LRP1B: variants seen among roughly 807,000 people sequenced by gnomAD.
The protein encoded by LRP1B is LDL receptor related protein 1B, also known as low-density lipoprotein receptor-related protein 1B.
In LRP1B, 217 loss-of-function variants were observed where a neutral mutation model predicts 556.6. The ratio of observed to expected loss-of-function variants is 0.39; its 90% CI spans 0.35 to 0.44. The LOEUF (loss-of-function observed/expected upper bound fraction) is 0.44, where lower values mean the gene tolerates loss of function less well. Ranked by LOEUF, LRP1B falls within the 20% of genes least tolerant of loss-of-function variation. The pLI is 1.00. For missense variants in LRP1B, 5,053 were observed against 5,620.8 expected, an observed-to-expected ratio of 0.90 and a Z score of 3.23; for synonymous variants, 2,047 against 1,865.8, an observed-to-expected ratio of 1.10 and a Z score of -2.50.
intron 7 of LRP1B, among the ~76,000 whole-genome samples, chr2:141,135,553 A>T (rs1701471339): frequency 6.6e-6 from 1 of 151,984 alleles, no homozygotes; most frequent in African/African-American, 2.4e-5. Flanking sequence ...AACTACAAAT[A>T]AACTGAACTT....
chr2:141,127,594 T>C (rs906499736), intron 7 of LRP1B, among the ~76,000 whole-genome samples: 3 of 152,150 alleles, frequency 2.0e-5, no homozygotes, highest in Admixed American at 2.0e-4. Flanking sequence ...TGCAGGGACA[T>C]GGATTAATTC....
In LRP1B at chr2:141,595,050, C is replaced by T. The variant is rs150517196; in HGVS notation, c.206-114517G>A. On this transcript the variant is annotated intron_variant, in intron 2 of 90. Coordinates refer to ENST00000389484, the MANE Select transcript of LRP1B (RefSeq NM_018557.3). ...TTTAAAAATCCTAATTCATGAAAGA[C>T]GGAATAGTACAAACAGAATATTTAA... Among the ~76,000 whole-genome samples, 399 of 151,938 alleles carry T rather than the reference C, an allele frequency of 2.6e-3. 1 individual carries two copies. The highest frequency in any genetic ancestry group is 9.0e-3 in the African/African-American group (375 of 41,462).
intron 7 of LRP1B, among the ~76,000 whole-genome samples, chr2:141,133,523 T>A (rs2141920): frequency 0.76 from 115,678 of 151,886 alleles, 44,409 homozygotes; most frequent in Middle Eastern, 0.85. Context: ...ACTTCATAAG[T>A]TTATTGTGAA....
At chr2:141,849,636 A>C (rs2105772300) in intron 1 of LRP1B, among the ~76,000 whole-genome samples, 1 of 151,754 alleles carries the variant, frequency 6.6e-6, no homozygotes, top group Admixed American at 6.6e-5. Flanking sequence ...ATAGAAAAAT[A>C]ATGTTGCTGT....
rs555264279 is a variant in LRP1B at position 142,108,420 on chromosome 2, T to C, written c.82+22228A>G. 6.3e-3 allele frequency among the ~76,000 whole-genome samples: 520 copies of C among 83,054 alleles called. 3 individuals carry two copies. The highest frequency in any genetic ancestry group is 0.019 in the African/African-American group (469 of 24,608). The allele number at this position is 83,054 out of a possible 152,430, so 54.5% of individuals were successfully genotyped here. A position where few individuals can be genotyped will look rare whatever the true frequency, so the allele number is the denominator to read the frequency against. On this transcript the variant is annotated intron_variant, in intron 1 of 90. Transcript: ENST00000389484. ...GTGTAATTTGCAAGTAATTAATCAA[T>C]AGATGTTCAATAAAAAAACCACTAA...
chr2:140,713,200 G>T (rs1687094905), intron 37 of LRP1B, among the ~76,000 whole-genome samples: 1 of 151,832 alleles, frequency 6.6e-6, no homozygotes, highest in Admixed American at 6.6e-5. Context: ...TAACTTCCCA[G>T]CCAATTACCA....
intron 24 of LRP1B, among the ~76,000 whole-genome samples, chr2:140,884,871 C>A (rs1216781453): frequency 1.3e-5 from 2 of 152,078 alleles, no homozygotes; most frequent in East Asian, 1.9e-4. Flanking sequence ...CACAACCACA[C>A]CCAGCTAATT....
chr2:141,311,758 A>G (rs144843078), intron 3 of LRP1B, among the ~76,000 whole-genome samples: 45 of 152,310 alleles, frequency 3.0e-4, no homozygotes, highest in Non-Finnish European at 5.4e-4. Context: ...TGCTATGCTC[A>G]TGAACTTCCC....
At chr2:141,856,215 G>A (rs1346307543) in intron 1 of LRP1B, among the ~76,000 whole-genome samples, 3 of 152,072 alleles carry the variant, frequency 2.0e-5, no homozygotes, top group Non-Finnish European at 4.4e-5. Context: ...CAAAAGAAAA[G>A]TATAACCTAT....
chr2:141,485,774 G>C (rs948556656), intron 2 of LRP1B, among the ~76,000 whole-genome samples: 3 of 152,122 alleles, frequency 2.0e-5, no homozygotes, highest in Non-Finnish European at 4.4e-5. Flanking sequence ...GATAATGGGG[G>C]CTTCATGAAT....
chr2:140,489,978 A>G (rs1311506837), intron 57 of LRP1B, among the ~76,000 whole-genome samples: 1 of 152,090 alleles, frequency 6.6e-6, no homozygotes, highest in Non-Finnish European at 1.5e-5. Context: ...TCATTTTTCT[A>G]CAGCTTTACC....
intron 84 of LRP1B, among the ~76,000 whole-genome samples, chr2:140,282,721 C>T (rs1682966698): frequency 6.6e-6 from 1 of 151,814 alleles, no homozygotes; most frequent in Non-Finnish European, 1.5e-5. Flanking sequence ...GGCATTCTCA[C>T]ACCTGAGCTG....
At chr2:141,854,531 G>A (rs1697982105) in intron 1 of LRP1B, among the ~76,000 whole-genome samples, 1 of 152,016 alleles carries the variant, frequency 6.6e-6, no homozygotes, top group Non-Finnish European at 1.5e-5. Context: ...AAGTTTTGAT[G>A]CTTTCCACCT....
At chr2:140,442,969 T>C (rs1197030567) in intron 65 of LRP1B, among the ~76,000 whole-genome samples, 1 of 152,196 alleles carries the variant, frequency 6.6e-6, no homozygotes, top group African/African-American at 2.4e-5. Context: ...TTCATAGGTA[T>C]ACATTTTTGT....
chr2:141,776,452 G>A (rs1558868429), intron 2 of LRP1B, among the ~76,000 whole-genome samples: 1 of 152,168 alleles, frequency 6.6e-6, no homozygotes, highest in Admixed American at 6.5e-5. Context: ...ATATTAATAT[G>A]ATATTGTTTT....
At chr2:141,015,650 A>T (rs2105388630) in intron 13 of LRP1B, 46 bp downstream of exon 13, 1 of 1,432,246 alleles carries the variant, frequency 7.0e-7, no homozygotes, top group Non-Finnish European at 9.7e-7. Flanking sequence ...AGGCTCTGTG[A>T]AAAAAAGAAG....
chr2:141,395,252 C>G (rs991043868), intron 3 of LRP1B, among the ~76,000 whole-genome samples: 1 of 152,086 alleles, frequency 6.6e-6, no homozygotes, highest in African/African-American at 2.4e-5. Context: ...AACTTTCAGT[C>G]CTGCCAGCTC....
chr2:141,125,967 A>C (rs535995518), intron 7 of LRP1B, among the ~76,000 whole-genome samples: 1 of 151,080 alleles, frequency 6.6e-6, no homozygotes, highest in Non-Finnish European at 1.5e-5. Flanking sequence ...GCTTTCCCTT[A>C]AACCTGGCTC....
intron 32 of LRP1B, among the ~76,000 whole-genome samples, chr2:140,787,047 G>A (rs1689929910): frequency 6.6e-6 from 1 of 152,168 alleles, no homozygotes; most frequent in African/African-American, 2.4e-5. Context: ...AGGAAGAGCA[G>A]GATGGGGAAG....
Sources: gnomAD v4.1 joint callset for allele counts (sites outside exome capture counted in the v4.1 genomes callset) on GRCh38, gnomAD v4.1.1 for gene constraint, MANE v1.5 for transcripts, NCBI Gene and HGNC (gene_info 2026-07-23, HGNC 2026-07-21) for gene names.